Variants in QSOX2 observed in about 807,000 individuals in gnomAD.
QSOX2 encodes quiescin sulfhydryl oxidase 2, also known as sulfhydryl oxidase 2.
A neutral mutation model predicts 61.7 loss-of-function variants in QSOX2; 46 were observed. The observed-to-expected ratio is 0.75, with a 90% confidence interval of 0.59 to 0.95. The LOEUF (loss-of-function observed/expected upper bound fraction) is 0.95. Among genes scored for constraint, QSOX2 ranks in the 40% least tolerant of loss-of-function variants. QSOX2 has a pLI of 0.00. For missense variants in QSOX2, 879 were observed against 918.9 expected, an observed-to-expected ratio of 0.96 and a Z score of 0.56; for synonymous variants, 383 against 388.4, an observed-to-expected ratio of 0.99 and a Z score of 0.16.
chr9:136,245,749 C>A lies in QSOX2; in HGVS notation c.55G>T (p.Ala19Ser), dbSNP rs1554758468. The A allele has an allele frequency of 6.1e-6, 7 of 1,151,948 alleles. No individual in the cohort carries two copies. The highest frequency in any genetic ancestry group is 8.4e-5 in the South Asian group (2 of 23,812). The allele number at this position is 1,151,948 out of a possible 1,614,324, so 71.4% of individuals were successfully genotyped here. A position where few individuals can be genotyped will look rare whatever the true frequency, so the allele number is the denominator to read the frequency against. Residue 19 changes from alanine (A) to serine (S), a missense_variant, in exon 1 of 12, where the codon GCG becomes TCG. Transcript: ENST00000358701. ...GGGGGCGAGCGCCGGGCTCTCAGCG[C>A]AGGTCCCGCTCCGATTCCCGGGCTG... is the stretch of plus-strand genomic sequence containing the variant. ...ARSPGIGAGP[A>S]LRARRSPPPR...
rs576312795 is a variant in QSOX2, at chr9:136,218,981, G to A, written c.956+49C>T. ...CCCGCCCTGCAAGCACGCAGCCTTCGGTCTACACGCACTGTCTCCGGGGGC... is the reference window on the plus strand; with the variant it reads ...CCCGCCCTGCAAGCACGCAGCCTTCAGTCTACACGCACTGTCTCCGGGGGC... On this transcript the variant is annotated intron_variant, in intron 7 of 11. Transcript: ENST00000358701. The A allele has an allele frequency of 1.2e-4, 190 of 1,605,266 alleles. 1 individual carries two copies. Among genetic ancestry groups the A allele is most frequent in the Admixed American group, 3.2e-4 (19 of 59,578 alleles).
chr9:136,227,984 A>C (rs1015567290), intron 1 of QSOX2, among the ~76,000 whole-genome samples: 1 of 151,748 alleles, frequency 6.6e-6, no homozygotes, highest in African/African-American at 2.4e-5. Context: ...TTGTTCGTTT[A>C]AAGTTTGTTT....
intron 1 of QSOX2, among the ~76,000 whole-genome samples, chr9:136,227,749 C>G (rs529113928): frequency 7.9e-5 from 12 of 152,192 alleles, no homozygotes; most frequent in African/African-American, 2.9e-4. Context: ...CCGAGGTGGG[C>G]AGATCGTTTA....
At chr9:136,218,926 C>T (rs916320402) in intron 7 of QSOX2, 104 bp downstream of exon 7, 20 of 1,571,340 alleles carry the variant, frequency 1.3e-5, no homozygotes, top group Non-Finnish European at 1.7e-5. Flanking sequence ...CTGAGCGGCC[C>T]TCACTGGCTG....
chr9:136,228,049 C>T lies in QSOX2; in HGVS notation c.329-1175G>A, dbSNP rs7861614. ...TACTGCTGGTGGGTCCTGGCACTTT[C>T]CTTCTCTGGGTTTGACTGACAACAT... is the stretch of plus-strand genomic sequence containing the variant. On this transcript the variant is annotated intron_variant, in intron 1 of 11. Coordinates refer to ENST00000358701, the MANE Select transcript of QSOX2 (RefSeq NM_181701.4). 3.8e-3 allele frequency among the ~76,000 whole-genome samples: 582 copies of T among 152,290 alleles called. 3 individuals are homozygous for T. The highest frequency in any genetic ancestry group is 0.013 in the African/African-American group (558 of 41,552).
At chr9:136,233,580 C>T (rs951037917) in intron 1 of QSOX2, among the ~76,000 whole-genome samples, 5 of 152,188 alleles carry the variant, frequency 3.3e-5, no homozygotes, top group Non-Finnish European at 7.3e-5. Flanking sequence ...CACAAACTCC[C>T]GCTGGAGAAA....
intron 1 of QSOX2, among the ~76,000 whole-genome samples, chr9:136,239,738 A>G (rs1830419647): frequency 6.6e-6 from 1 of 152,180 alleles, no homozygotes; most frequent in Non-Finnish European, 1.5e-5. Flanking sequence ...CGGGCACCCC[A>G]CGTCGCCTTT....
intron 1 of QSOX2, among the ~76,000 whole-genome samples, chr9:136,227,777 C>A (rs1830294996): frequency 1.3e-5 from 2 of 152,028 alleles, no homozygotes; most frequent in Non-Finnish European, 2.9e-5. Context: ...GAGTTTGAGA[C>A]CAGCCTGGGC....
Position 136,209,926 on chromosome 9 carries a change from G to A in QSOX2, c.1550-651C>T, listed in dbSNP as rs7031621. The A allele has an allele frequency of 0.49, 479,685 of 985,110 alleles. 117,922 individuals are homozygous for A. Among genetic ancestry groups the A allele is most frequent in the Non-Finnish European group, 0.5 (416,663 of 829,850 alleles). The allele number at this position is 985,110 out of a possible 1,614,324, so 61.0% of individuals were successfully genotyped here. On this transcript the variant is annotated intron_variant, in intron 11 of 11. Transcript: ENST00000358701. The surrounding 1 kb of genome is among the most constrained non-coding windows in gnomAD (Gnocchi z 5.6). The stretch of plus-strand genomic sequence containing the variant: ...GCATCCGTCATGCAGAAGCTGCGGC[G>A]CACGGCGCCTCCTAGCTCTCGGAGC...
At chr9:136,228,116 G>C (rs1830299524) in intron 1 of QSOX2, among the ~76,000 whole-genome samples, 1 of 152,180 alleles carries the variant, frequency 6.6e-6, no homozygotes, top group African/African-American at 2.4e-5. Context: ...CTCAGATCTA[G>C]ATTCTTGTCT....
chr9:136,210,153 C>G (rs1319280347), intron 11 of QSOX2: 15 of 985,354 alleles, frequency 1.5e-5, no homozygotes, highest in Non-Finnish European at 1.8e-5. Flanking sequence ...AAGCACAGAC[C>G]AGTGGCACCT....
Position 136,222,041 on chromosome 9 carries a change from G to T in QSOX2, c.676-100C>A. 2.4e-6 allele frequency: 3 copies of T among 1,270,170 alleles called. No homozygotes were observed. Among genetic ancestry groups the T allele is most frequent in the Non-Finnish European group, 3.2e-6 (3 of 945,282 alleles). 78.7% of individuals were successfully genotyped at this position (1,270,170 alleles called of 1,614,324 possible). A position where few individuals can be genotyped will look rare whatever the true frequency, so the allele number is the denominator to read the frequency against. ...GCCTTGCAGGGAACCTTTCACAAAAGGGCATGAAGTCTGTCCCCCTGCAGG... is the reference window on the plus strand; with the variant it reads ...GCCTTGCAGGGAACCTTTCACAAAATGGCATGAAGTCTGTCCCCCTGCAGG... On this transcript the variant is annotated intron_variant, in intron 5 of 11. Coordinates refer to ENST00000358701, the MANE Select transcript of QSOX2 (RefSeq NM_181701.4). This position sits in a 1 kb window ranked among gnomAD's most constrained non-coding sequence, Gnocchi z 6.9.
chr9:136,235,123 G>A (rs972843281), intron 1 of QSOX2, among the ~76,000 whole-genome samples: 1 of 152,186 alleles, frequency 6.6e-6, no homozygotes, highest in Non-Finnish European at 1.5e-5. Context: ...TGAGAATTGG[G>A]GCAAGTAACA....
At position 136,223,898 on chromosome 9, in the gene QSOX2, C is replaced by T. The variant is rs371779420; in HGVS notation, c.585-45G>A. ...AGGCTTTTAGTGCCGTCAACAGCAG[C>T]GAGTTGGCCACCACATCCCAGTGGC... On this transcript the variant is annotated intron_variant, in intron 4 of 11. Coordinates refer to ENST00000358701, the MANE Select transcript of QSOX2 (RefSeq NM_181701.4). This position sits in a 1 kb window ranked among gnomAD's most constrained non-coding sequence, Gnocchi z 4.4. 7 of 1,592,040 alleles carry T rather than the reference C, an allele frequency of 4.4e-6. No individual in the cohort carries two copies. The highest frequency in any genetic ancestry group is 4.5e-5 in the East Asian group (2 of 44,766).
Position 136,211,434 on chromosome 9 carries a change from T to C in QSOX2, c.1379A>G (p.Gln460Arg), listed in dbSNP as rs1479648486. Residue 460 changes from glutamine to arginine, a missense_variant, in exon 11 of 12, where the codon CAG becomes CGG. Coordinates refer to ENST00000358701, the MANE Select transcript of QSOX2 (RefSeq NM_181701.4). ...CCTCCTCATTGTCTGCAGCACAGCC[T>C]GGGGGTCGTCTTCAAAGCCTGCAGG... is the stretch of plus-strand genomic sequence containing the variant. ...LVGTGFEDDP[Q>R]AVLQTMRRYV... 1.2e-6 allele frequency: 2 copies of C among 1,613,752 alleles called. No homozygotes were observed. The highest frequency in any genetic ancestry group is 4.5e-5 in the East Asian group (2 of 44,892).
intron 1 of QSOX2, among the ~76,000 whole-genome samples, chr9:136,228,121 T>C (rs1425566653): frequency 1.3e-5 from 2 of 152,182 alleles, no homozygotes; most frequent in African/African-American, 4.8e-5. Flanking sequence ...ATCTAGATTC[T>C]TGTCTGATTT....
At chr9:136,238,555 A>G (rs1350535978) in intron 1 of QSOX2, among the ~76,000 whole-genome samples, 1 of 152,186 alleles carries the variant, frequency 6.6e-6, no homozygotes, top group African/African-American at 2.4e-5. Context: ...GCCCTGAGCA[A>G]GCCCGGCGGG....
chr9:136,219,094 G>T lies in QSOX2; in HGVS notation c.892C>A (p.Pro298Thr). Reference sequence around the variant, plus strand: ...TCTTTGTGTGGCTTTTCAGGCAAGGGAAGCGATTTTTTCCTCACATCCGGC... The same window carrying T: ...TCTTTGTGTGGCTTTTCAGGCAAGGTAAGCGATTTTTTCCTCACATCCGGC... ...SLPDVRKKSL[P>T]LPEKPHKEEN... is the part of the protein sequence containing the mutation. Residue 298 changes from proline (P) to threonine (T), a missense_variant, in exon 7 of 12, where the codon CCC becomes ACC. Transcript: ENST00000358701. 1 of 1,614,124 alleles carries T rather than the reference G, an allele frequency of 6.2e-7. No homozygotes were observed. Among genetic ancestry groups the T allele is most frequent in the Non-Finnish European group, 8.5e-7 (1 of 1,180,020 alleles).
chr9:136,241,054 G>GT (rs1830429591), intron 1 of QSOX2, among the ~76,000 whole-genome samples: 1 of 152,122 alleles, frequency 6.6e-6, no homozygotes, highest in African/African-American at 2.4e-5. Context: ...TCAACAACAA[G>GT]TAAGTGGCCT....
Sources: allele counts gnomAD v4.1 joint callset (sites outside exome capture counted in the v4.1 genomes callset), GRCh38; gene constraint gnomAD v4.1.1; non-coding constraint Gnocchi (gnomAD v3.1); transcripts MANE v1.5; gene names NCBI Gene and HGNC (gene_info 2026-07-23, HGNC 2026-07-21).